Variants in CCDC88A observed in about 807,000 individuals in gnomAD.
The protein encoded by CCDC88A is girdin.
CCDC88A carries 54 observed loss-of-function variants against 234.3 expected under a neutral mutation model. The ratio of observed to expected loss-of-function variants is 0.23; its 90% CI spans 0.19 to 0.29. CCDC88A has a LOEUF of 0.29. CCDC88A is among the 10% of genes least tolerant of loss of function. The pLI, the probability that CCDC88A is intolerant of heterozygous loss-of-function variation, is 1.00. For missense variants in CCDC88A, 1,832 were observed against 2,123.4 expected (o/e 0.86, Z 2.70); for synonymous variants, 753 against 737.8 (o/e 1.02, Z -0.33).
intron 29 of CCDC88A, 80 bp from the exon 30 acceptor site, chr2:55,296,603 G>C: frequency 1.4e-6 from 2 of 1,382,290 alleles, no homozygotes; most frequent in South Asian, 2.7e-5. Context: ...TTTGTTGACT[G>C]TGTGCTAATT....
chr2:55,331,773 C>G (rs1180042142), intron 16 of CCDC88A: 1 of 151,910 alleles, frequency 6.6e-6, no homozygotes, highest in East Asian at 1.9e-4. Flanking sequence ...ATTTTTTATC[C>G]AGCTTTTAAG....
chr2:55,317,653 A>G lies in CCDC88A; in HGVS notation c.3513T>C (p.Ala1171=). The G allele has an allele frequency of 6.2e-7, 1 of 1,613,292 alleles. No individual in the cohort carries two copies. Among genetic ancestry groups the G allele is most frequent in the Non-Finnish European group, 8.5e-7 (1 of 1,179,418 alleles). ...TAGAGATAAGAGATTCATACTCTGAAGCCTGACGTTCATGAAGAAGTTCCA... is the reference window on the plus strand; with the variant it reads ...TAGAGATAAGAGATTCATACTCTGAGGCCTGACGTTCATGAAGAAGTTCCA... ...EKLELLHERQ[A]SEYESLISKH... is the part of the protein sequence containing the mutation. Residue 1171 remains alanine, a synonymous_variant, in exon 20 of 33, where the codon GCT becomes GCC. Transcript: ENST00000436346. This position sits in a 1 kb window ranked among gnomAD's most constrained non-coding sequence, Gnocchi z 4.2.
chr2:55,366,534 TACACACACACACACACACACACAC>T (rs201666406), intron 5 of CCDC88A, among the ~76,000 whole-genome samples: 4 of 127,732 alleles, frequency 3.1e-5, no homozygotes, highest in African/African-American at 1.1e-4. Flanking sequence ...CACACACACA[TACACACACACACACACACACACAC>T]ACACACACAC....
intron 8 of CCDC88A, chr2:55,350,570 C>T (rs548130478): frequency 1.3e-5 from 2 of 149,754 alleles, no homozygotes; most frequent in Non-Finnish European, 3.0e-5. Flanking sequence ...GTTCTCATCT[C>T]GTGCCCTTAC....
At chr2:55,297,329 A>ATT (rs1553385696) in intron 29 of CCDC88A, among the ~76,000 whole-genome samples, 4 of 15,362 alleles carry the variant, frequency 2.6e-4, no homozygotes, top group Non-Finnish European at 6.8e-4. Flanking sequence ...TATAATATAT[A>ATT]ATATATAAAT....
rs376914380 is a variant in CCDC88A at position 55,363,931 on chromosome 2, A to G, written c.486+19T>C. 7.1e-5 allele frequency: 100 copies of G among 1,413,106 alleles called. No individual in the cohort carries two copies. The highest frequency in any genetic ancestry group is 8.5e-5 in the Non-Finnish European group (86 of 1,012,016). The allele number at this position is 1,413,106 out of a possible 1,614,324, so 87.5% of individuals were successfully genotyped here. On this transcript the variant is annotated intron_variant, in intron 6 of 32. Transcript: ENST00000436346. Reference sequence around the variant, plus strand: ...ACAAGCTTCATAAATAGCACGTAAAATTGTATATATGTCATTACCTCTTGA... The same window carrying G: ...ACAAGCTTCATAAATAGCACGTAAAGTTGTATATATGTCATTACCTCTTGA...
chr2:55,410,256 T>C (rs952222072), intron 2 of CCDC88A, among the ~76,000 whole-genome samples: 3 of 152,178 alleles, frequency 2.0e-5, no homozygotes, highest in Admixed American at 6.5e-5. Context: ...TGCAAGGTGT[T>C]CACAGCATGT....
chr2:55,384,594 T>TATAC (rs1196156778), intron 3 of CCDC88A, among the ~76,000 whole-genome samples: 1 of 131,546 alleles, frequency 7.6e-6, no homozygotes, highest in South Asian at 2.2e-4. Flanking sequence ...TATATACACA[T>TATAC]ATATACGTAT....
rs1287249371 is a variant in CCDC88A, at chr2:55,362,353, T to C, written c.582A>G (p.Ala194=). 2.5e-6 allele frequency: 4 copies of C among 1,595,358 alleles called. No individual in the cohort carries two copies. Among genetic ancestry groups the C allele is most frequent in the Admixed American group, 3.5e-5 (2 of 56,504 alleles). The change falls in exon 7 of 33, where the codon GCA becomes GCG. Residue 194 remains alanine, a synonymous_variant. Transcript: ENST00000436346. ...CATCTATAAGTCTTTTTAGATGCAA[T>C]GCCATATTTTTCAAGAGTGGTTCTA... ...EDIEPLLKNM[A]LHLKRLIDER...
chr2:55,292,543 C>G (rs1488575337), intron 31 of CCDC88A: 2 of 151,992 alleles, frequency 1.3e-5, no homozygotes, highest in Admixed American at 1.3e-4. Context: ...GTATTTTCAC[C>G]ACTAAAAATT....
At chr2:55,359,025 C>T (rs1448377833) in intron 7 of CCDC88A, among the ~76,000 whole-genome samples, 1 of 152,120 alleles carries the variant, frequency 6.6e-6, no homozygotes, top group African/African-American at 2.4e-5. Flanking sequence ...TCTAACAAAG[C>T]TGACAGATAA....
At chr2:55,361,199 G>A (rs373770707) in intron 7 of CCDC88A, among the ~76,000 whole-genome samples, 4 of 152,110 alleles carry the variant, frequency 2.6e-5, no homozygotes, top group African/African-American at 9.6e-5. Flanking sequence ...TTAACAACTT[G>A]AAATACAAAT....
intron 23 of CCDC88A, among the ~76,000 whole-genome samples, chr2:55,311,725 T>G (rs1202701218): frequency 6.6e-6 from 1 of 152,188 alleles, no homozygotes; most frequent in African/African-American, 2.4e-5. Flanking sequence ...CGGGTAGTAA[T>G]ACCAAGACTA....
chr2:55,384,752 G>A (rs1675316376), intron 3 of CCDC88A, among the ~76,000 whole-genome samples: 1 of 150,660 alleles, frequency 6.6e-6, no homozygotes, highest in African/African-American at 2.5e-5. Context: ...TACCTCTCTG[G>A]TTCAAGCAAT....
chr2:55,382,092 G>A (rs142526139), intron 3 of CCDC88A, among the ~76,000 whole-genome samples: 471 of 152,236 alleles, frequency 3.1e-3, no homozygotes, highest in African/African-American at 0.011. Context: ...CCTGACCAGT[G>A]TCAAAAATAT....
At chr2:55,393,454 C>G (rs1047273959) in intron 2 of CCDC88A, among the ~76,000 whole-genome samples, 9 of 151,658 alleles carry the variant, frequency 5.9e-5, no homozygotes, top group Non-Finnish European at 1.0e-4. Flanking sequence ...CCACGCCCGG[C>G]TAATTTTTTT....
chr2:55,349,744 A>T, intron 8 of CCDC88A, 145 bp from the exon 9 acceptor site: 2 of 527,164 alleles, frequency 3.8e-6, no homozygotes, highest in South Asian at 3.5e-5. Flanking sequence ...TAAAAAAAAA[A>T]AGATAGATAT....
intron 7 of CCDC88A, among the ~76,000 whole-genome samples, chr2:55,359,891 G>A (rs1671070786): frequency 9.1e-6 from 1 of 110,288 alleles, no homozygotes; most frequent in Non-Finnish European, 1.9e-5. Flanking sequence ...TCTACTTGTA[G>A]AACTCATTAT....
At position 55,291,745 on chromosome 2, in the gene CCDC88A, G is replaced by A. The variant is rs762237924; in HGVS notation, c.5582C>T (p.Ser1861Leu). 11 of 1,612,172 alleles carry A rather than the reference G, an allele frequency of 6.8e-6. No homozygotes were observed. The highest frequency in any genetic ancestry group is 9.3e-6 in the Non-Finnish European group (11 of 1,178,904). The change falls in exon 32 of 33, where the codon TCA becomes TTA. Residue 1861 changes from serine to leucine, a missense_variant. Physicochemically the swap from Ser to Leu is moderately radical, Grantham distance 145 (BLOSUM62 -2). This residue lies in a region of CCDC88A where 422 missense variants were observed against 416.5 expected (regional missense o/e 1.01). Transcript: ENST00000436346. ...TTGTTGCTCCCTAGACCTGCTTTTT[G>A]AATTTCTGCTTTCTTGTACTTTGTC... is the stretch of plus-strand genomic sequence containing the variant. ...NVDKVQESRN[S>L]KSRSREQQSS
Sources: gnomAD v4.1 joint callset for allele counts (sites outside exome capture counted in the v4.1 genomes callset) on GRCh38, gnomAD v4.1.1 for gene constraint, gnomAD v4.1.1 regional missense constraint, Gnocchi (gnomAD v3.1) non-coding constraint, MANE v1.5 for transcripts, NCBI Gene and HGNC (gene_info 2026-07-23, HGNC 2026-07-21) for gene names.